CSPG5: variants seen among roughly 807,000 people sequenced by gnomAD.
CSPG5 encodes the protein chondroitin sulfate proteoglycan 5, also known as acidic leucine-rich EGF-like domain-containing brain protein.
In CSPG5, 25 loss-of-function variants were observed where a neutral mutation model predicts 39.8. The observed-to-expected ratio is 0.63, with a 90% CI of 0.46 to 0.88. The LOEUF (loss-of-function observed/expected upper bound fraction) is 0.88, where lower values mean the gene tolerates loss of function less well. Ranked by LOEUF, CSPG5 falls within the 40% of genes least tolerant of loss-of-function variation. The pLI is 0.00. For missense variants in CSPG5, 627 were observed against 702.2 expected (o/e 0.89, Z 1.21); for synonymous variants, 295 against 303.9 (o/e 0.97, Z 0.31).
Position 47,562,631 on chromosome 3 carries a change from T to C in CSPG5, c.1589A>G (p.Asp530Gly). 6.2e-7 allele frequency: 1 copy of C among 1,606,704 alleles called. No homozygotes were observed. The highest frequency in any genetic ancestry group is 8.5e-7 in the Non-Finnish European group (1 of 1,175,886). ...TAAATTATTCTGAAGACAGTTCACA[T>C]CCAAGTCAGCCTGGTCACCTTTGCC... ...EGGKGDQADL[D>G]VNCLQNNLT The change falls in exon 5 of 5, where the codon GAT becomes GGT. Residue 530 changes from aspartate (D) to glycine (G), a missense_variant. Physicochemically the swap from Asp to Gly is moderately conservative, Grantham distance 94. Coordinates refer to ENST00000264723, the MANE Select transcript of CSPG5 (RefSeq NM_006574.4).
chr3:47,573,424 G>C (rs977599681), intron 2 of CSPG5, among the ~76,000 whole-genome samples: 4 of 152,308 alleles, frequency 2.6e-5, no homozygotes, highest in Admixed American at 6.5e-5. Flanking sequence ...ATAGAAAGAT[G>C]GATGTAGATT....
chr3:47,575,929 CT>C lies in CSPG5; in HGVS notation c.1193+903del, dbSNP rs370578310. Among the ~76,000 whole-genome samples, 594 of 99,652 alleles carry C rather than the reference CT, an allele frequency of 6.0e-3. 2 individuals carry two copies. Among genetic ancestry groups the C allele is most frequent in the South Asian group, 0.013 (36 of 2,726 alleles). The allele number at this position is 99,652 out of a possible 152,430, so 65.4% of individuals were successfully genotyped here. Reference sequence around the variant, plus strand: ...TCTTAAAGAATTCCCTTCATTTTGCCTTTTTTTTTTTTTTTTTTTTTTTTTG... The same window carrying C: ...TCTTAAAGAATTCCCTTCATTTTGCCTTTTTTTTTTTTTTTTTTTTTTTTG... On this transcript the variant is annotated intron_variant, in intron 2 of 4. Coordinates refer to ENST00000264723, the MANE Select transcript of CSPG5 (RefSeq NM_006574.4).
Position 47,577,435 on chromosome 3 carries a change from G to A in CSPG5, c.591C>T (p.Gly197=). 1.2e-6 allele frequency: 2 copies of A among 1,614,116 alleles called. No homozygotes were observed. Among genetic ancestry groups the A allele is most frequent in the Non-Finnish European group, 1.7e-6 (2 of 1,180,024 alleles). The change falls in exon 2 of 5, where the codon GGC becomes GGT. Residue 197 remains glycine, a synonymous_variant. Transcript: ENST00000264723. This position sits in a 1 kb window ranked among gnomAD's most constrained non-coding sequence, Gnocchi z 4.7. ...CTGATGCCGGTTGGGGCTCCAGGGT[G>A]CCCTGAAATGGGTAAGTCAGCTCTG... ...QGPELTYPFQ[G]TLEPQPASDI...
chr3:47,564,854 T>C (rs564206822), intron 4 of CSPG5, among the ~76,000 whole-genome samples: 1 of 152,276 alleles, frequency 6.6e-6, no homozygotes, highest in Admixed American at 6.5e-5. Flanking sequence ...TGCACTTTTT[T>C]ATTTCGTGTA....
intron 2 of CSPG5, among the ~76,000 whole-genome samples, chr3:47,575,929 C>CTTTTTTTTTTT (rs370578310): frequency 6.0e-5 from 6 of 99,648 alleles, no homozygotes; most frequent in East Asian, 3.0e-4. Context: ...TTCATTTTGC[C>CTTTTTTTTTTT]TTTTTTTTTT....
intron 2 of CSPG5, 64 bp downstream of exon 2, chr3:47,576,769 T>C: frequency 1.3e-6 from 2 of 1,501,412 alleles, no homozygotes; most frequent in Non-Finnish European, 1.8e-6. Flanking sequence ...TACGCTGCCC[T>C]CTGTTGAGTC....
Position 47,564,600 on chromosome 3 carries a change from G to A in CSPG5, c.1459-1839C>T, listed in dbSNP as rs189889725. 5.3e-5 allele frequency among the ~76,000 whole-genome samples: 8 copies of A among 152,274 alleles called. No individual in the cohort carries two copies. In the East Asian group the frequency reaches 7.7e-4, roughly 15 times the overall value. On this transcript the variant is annotated intron_variant, in intron 4 of 4. Coordinates refer to ENST00000264723, the MANE Select transcript of CSPG5 (RefSeq NM_006574.4). ...GGTAAGGCAGCTGCACACAGCACGC[G>A]CGGCCAGTTGAATGGTCAATCACTG...
At position 47,578,653 on chromosome 3, in the gene CSPG5, G is replaced by T. The variant is rs959225022; in HGVS notation, c.41C>A (p.Pro14Gln). Reference protein sequence around the residue: ...AGGGGPGRGPPPLLLFLGAAL... With the variant: ...AGGGGPGRGPQPLLLFLGAAL... ...GGCCCCCAGAAACAGCAGCAGTGGCGGCGGCCCCCGGCCCGGGCCCCCGCC... is the reference window on the plus strand; with the variant it reads ...GGCCCCCAGAAACAGCAGCAGTGGCTGCGGCCCCCGGCCCGGGCCCCCGCC... Residue 14 changes from proline (P) to glutamine (Q), a missense_variant, in exon 1 of 5, where the codon CCG (proline) becomes CAG (glutamine). Pro to Gln is a moderately conservative substitution (Grantham distance 76). Coordinates refer to ENST00000264723, the MANE Select transcript of CSPG5 (RefSeq NM_006574.4). The surrounding 1 kb of genome is among the most constrained non-coding windows in gnomAD (Gnocchi z 6.0). 1.8e-6 allele frequency: 2 copies of T among 1,126,288 alleles called. No homozygotes were observed. Among genetic ancestry groups the T allele is most frequent in the Non-Finnish European group, 1.1e-6 (1 of 917,708 alleles). 69.8% of individuals were successfully genotyped at this position (1,126,288 alleles called of 1,614,324 possible).
chr3:47,569,352 C>T (rs1433493331), intron 3 of CSPG5, 125 bp from the exon 4 acceptor site: 1 of 955,958 alleles, frequency 1.0e-6, no homozygotes, highest in African/African-American at 1.6e-5. Flanking sequence ...GCCTGTAATC[C>T]TAGCACTTTG....
At chr3:47,567,685 T>C (rs914375280) in intron 4 of CSPG5, among the ~76,000 whole-genome samples, 5 of 152,200 alleles carry the variant, frequency 3.3e-5, no homozygotes, top group African/African-American at 1.2e-4. Context: ...TTATTCTCTC[T>C]TCCCCCTTCT....
chr3:47,579,775 A>C (rs915068000), upstream of CSPG5: 4 of 152,214 alleles, frequency 2.6e-5, no homozygotes, highest in Non-Finnish European at 5.9e-5. This position sits in a 1 kb window ranked among gnomAD's most constrained non-coding sequence, Gnocchi z 4.2. Flanking sequence ...CAGGGCTCAC[A>C]GGGCAACCCA....
chr3:47,576,642 T>C (rs1333905295), intron 2 of CSPG5, among the ~76,000 whole-genome samples, 191 bp downstream of exon 2: 3 of 152,068 alleles, frequency 2.0e-5, no homozygotes, highest in Non-Finnish European at 4.4e-5. Flanking sequence ...GTATTTTTAG[T>C]AGAGATGGGG....
chr3:47,579,903 C>G (rs1331424462), upstream of CSPG5: 1 of 152,234 alleles, frequency 6.6e-6, no homozygotes, highest in Non-Finnish European at 1.5e-5. The surrounding 1 kb of genome is among the most constrained non-coding windows in gnomAD (Gnocchi z 4.2). Context: ...AATGACAGTT[C>G]AGGGTATCAG....
At chr3:47,564,813 T>C (rs2031228346) in intron 4 of CSPG5, among the ~76,000 whole-genome samples, 1 of 152,080 alleles carries the variant, frequency 6.6e-6, no homozygotes, top group South Asian at 2.1e-4. Flanking sequence ...GTGTGTACTT[T>C]ACGGAGAGGG....
At chr3:47,575,929 C>CTTTT (rs370578310) in intron 2 of CSPG5, among the ~76,000 whole-genome samples, 52 of 99,634 alleles carry the variant, frequency 5.2e-4, no homozygotes, top group Non-Finnish European at 7.1e-4. Context: ...TTCATTTTGC[C>CTTTT]TTTTTTTTTT....
Position 47,577,033 on chromosome 3 carries a change from C to G in CSPG5, c.993G>C (p.Ser331=), listed in dbSNP as rs780082287. 1.2e-6 allele frequency: 2 copies of G among 1,612,876 alleles called. No homozygotes were observed. Among genetic ancestry groups the G allele is most frequent in the South Asian group, 2.2e-5 (2 of 90,972 alleles). The change falls in exon 2 of 5, where the codon TCG becomes TCC. Residue 331 remains serine, a synonymous_variant. Transcript: ENST00000264723. The surrounding 1 kb of genome is among the most constrained non-coding windows in gnomAD (Gnocchi z 4.7). ...TGAGGGCGATGCTGCTGCCGGGGAC[C>G]GACCCCAGAGTGTGCTGTGGAGGGA... The part of the protein sequence containing the change: ...HAVPPQHTLG[S]VPGSSIALRP...
intron 4 of CSPG5, among the ~76,000 whole-genome samples, chr3:47,565,989 C>T (rs898611978): frequency 6.6e-6 from 1 of 152,218 alleles, no homozygotes; most frequent in African/African-American, 2.4e-5. Flanking sequence ...CCACCAGCTA[C>T]AGAGCCGCAC....
chr3:47,572,798 C>G lies in CSPG5; in HGVS notation c.1270G>C (p.Val424Leu). The G allele has an allele frequency of 6.2e-7, 1 of 1,614,116 alleles. No homozygotes were observed. The highest frequency in any genetic ancestry group is 2.2e-5 in the East Asian group (1 of 44,888). The change falls in exon 3 of 5, where the codon GTG becomes CTG. Residue 424 changes from valine (V) to leucine (L), a missense_variant. Physicochemically the swap from Val to Leu is conservative, Grantham distance 32. Transcript: ENST00000264723. The surrounding 1 kb of genome is among the most constrained non-coding windows in gnomAD (Gnocchi z 4.5). ...ACGAGGGCAGCCGAGCCCACGGCCA[C>G]GCACATCACCTGGAAGTCGGTGATG... ...SIITDFQVMC[V>L]AVGSAALVLL...
chr3:47,572,036 C>T lies in CSPG5; in HGVS notation c.1382+650G>A, dbSNP rs868648249. Among the ~76,000 whole-genome samples the T allele has an allele frequency of 6.6e-6, 1 of 152,144 alleles. No individual in the cohort carries two copies. The highest frequency in any genetic ancestry group is 1.9e-4 in the East Asian group (1 of 5,192). On this transcript the variant is annotated intron_variant, in intron 3 of 4. Transcript: ENST00000264723. This position sits in a 1 kb window ranked among gnomAD's most constrained non-coding sequence, Gnocchi z 4.5. ...AGAGCTGAAATAAGATTCTACATCCCGTATGGCCCTTAAAATCCACAGTAG... is the reference window on the plus strand; with the variant it reads ...AGAGCTGAAATAAGATTCTACATCCTGTATGGCCCTTAAAATCCACAGTAG...
Sources: allele counts gnomAD v4.1 joint callset (sites outside exome capture counted in the v4.1 genomes callset), GRCh38; gene constraint gnomAD v4.1.1; non-coding constraint Gnocchi (gnomAD v3.1); transcripts MANE v1.5; gene names NCBI Gene and HGNC (gene_info 2026-07-23, HGNC 2026-07-21).